The following FAM98B variants were observed in gnomAD, a reference collection of about 807,000 sequenced individuals.
The protein encoded by FAM98B is tRNA-splicing ligase complex subunit FAM98B.
Under a neutral mutation model 43.9 loss-of-function variants are expected in FAM98B, and 32 were observed. That is an observed-to-expected ratio of 0.73 (90% confidence interval 0.55 to 0.98). The LOEUF (loss-of-function observed/expected upper bound fraction) is 0.98, where lower values mean the gene tolerates loss of function less well. FAM98B is among the 50% of genes least tolerant of loss of function. FAM98B has a pLI of 0.00. For missense variants in FAM98B, 514 were observed against 522.9 expected (o/e 0.98, Z 0.17); for synonymous variants, 190 against 174.0 (o/e 1.09, Z -0.72).
chr15:38,470,209 A>G lies in FAM98B; in HGVS notation c.353-18A>G, dbSNP rs542547883. On this transcript the variant is annotated intron_variant, in intron 3 of 7. Transcript: ENST00000397609. ...TCTTATACATGTATTAACATTATTT[A>G]TTTTCTCTTTATTGTAGTATTTTTA... 12 of 1,372,974 alleles carry G rather than the reference A, an allele frequency of 8.7e-6. No individual in the cohort carries two copies. In the South Asian group the frequency reaches 1.5e-4, roughly 17 times the overall value. The allele number at this position is 1,372,974 out of a possible 1,614,324, so 85.0% of individuals were successfully genotyped here.
intron 3 of FAM98B, among the ~76,000 whole-genome samples, chr15:38,468,065 A>C (rs1156258560): frequency 6.6e-6 from 1 of 152,188 alleles, no homozygotes; most frequent in Non-Finnish European, 1.5e-5. Flanking sequence ...AGAAGGCTTA[A>C]TTTTCCCTCT....
intron 6 of FAM98B, among the ~76,000 whole-genome samples, chr15:38,475,748 A>G (rs140056615): frequency 5.9e-5 from 9 of 152,354 alleles, no homozygotes; most frequent in African/African-American, 2.2e-4. Flanking sequence ...GTAAGGTAGC[A>G]TTCACAGGTT....
Position 38,484,546 on chromosome 15 carries a change from G to A in FAM98B, c.1189G>A (p.Gly397Arg). 1 of 1,478,604 alleles carries A rather than the reference G, an allele frequency of 6.8e-7. No homozygotes were observed. Among genetic ancestry groups the A allele is most frequent in the Non-Finnish European group, 8.9e-7 (1 of 1,121,406 alleles). The allele number at this position is 1,478,604 out of a possible 1,614,324, so 91.6% of individuals were successfully genotyped here. A position where few individuals can be genotyped will look rare whatever the true frequency, so the allele number is the denominator to read the frequency against. The change falls in exon 8 of 8, where the codon GGG (glycine) becomes AGG (arginine). Residue 397 changes from glycine (G) to arginine (R), a missense_variant. By Grantham distance (125) the Gly-to-Arg change is moderately radical. Transcript: ENST00000397609. ...FQGRGDYGGR[G>R]GYGGRGGYGG... ...AGGCAGGGGAGATTATGGTGGAAGA[G>A]GGGGTTATGGTGGAAGAGGGGGCTA...
At chr15:38,460,809 T>C (rs535159963) in intron 1 of FAM98B, among the ~76,000 whole-genome samples, 2 of 152,188 alleles carry the variant, frequency 1.3e-5, no homozygotes, top group Non-Finnish European at 2.9e-5. Context: ...GGATGAATTA[T>C]TTACCTTTAT....
At position 38,484,991 on chromosome 15, in the gene FAM98B, A is replaced by G. The variant is rs1413420208; in HGVS notation, c.*332A>G. On this transcript the variant is annotated 3_prime_UTR_variant, in exon 8 of 8. Transcript: ENST00000397609. ...GGAAAGTATTTTATTGTCATGATTG[A>G]ATTTAGATTGTTACCTGTATTTTGT... 4.7e-6 allele frequency: 1 copy of G among 214,134 alleles called. No individual in the cohort carries two copies. The highest frequency in any genetic ancestry group is 9.0e-6 in the Non-Finnish European group (1 of 111,232). 13.3% of individuals were successfully genotyped at this position (214,134 alleles called of 1,614,324 possible).
rs150162428 is a variant in FAM98B at position 38,483,483 on chromosome 15, G to A, written c.898-772G>A. The A allele has an allele frequency of 4.1e-3, 627 of 151,804 alleles. 6 individuals are homozygous for A. Among genetic ancestry groups the A allele is most frequent in the African/African-American group, 0.014 (592 of 41,422 alleles). The allele number at this position is 151,804 out of a possible 1,614,324, so 9.4% of individuals were successfully genotyped here. A position where few individuals can be genotyped will look rare whatever the true frequency, so the allele number is the denominator to read the frequency against. On this transcript the variant is annotated intron_variant, in intron 7 of 7. Transcript: ENST00000397609. ...AGATCAAGACCATCCTGGCTAACAC[G>A]TTGAAACCCTGTCTCCACTAAAAAT...
rs1889873539 is a variant in FAM98B, at chr15:38,457,850, G to A, written c.71+3618G>A. 1.3e-5 allele frequency among the ~76,000 whole-genome samples: 2 copies of A among 152,044 alleles called. 1 individual carries two copies. The highest frequency in any genetic ancestry group is 4.1e-4 in the South Asian group (2 of 4,822). On this transcript the variant is annotated intron_variant, in intron 1 of 7. Coordinates refer to ENST00000397609, the MANE Select transcript of FAM98B (RefSeq NM_173611.4). ...AAGATAATGGGAGAGCAGTGATAATGATGCTATTTTGGTAAGAAAGGAGGC... is the reference window on the plus strand; with the variant it reads ...AAGATAATGGGAGAGCAGTGATAATAATGCTATTTTGGTAAGAAAGGAGGC...
In FAM98B at chr15:38,474,663, A is replaced by G. The variant is rs543074510; in HGVS notation, c.729+365A>G. Among the ~76,000 whole-genome samples, 8 of 152,350 alleles carry G rather than the reference A, an allele frequency of 5.3e-5. No homozygotes were observed. The South Asian group carries it at 1.4e-3, about 28-fold the overall frequency. On this transcript the variant is annotated intron_variant, in intron 6 of 7. Coordinates refer to ENST00000397609, the MANE Select transcript of FAM98B (RefSeq NM_173611.4). Reference sequence around the variant, plus strand: ...ACTGATGCCAACAGGCCTTAAAAGTATCTTAAGGCTGGATGAATATAGAAT... The same window carrying G: ...ACTGATGCCAACAGGCCTTAAAAGTGTCTTAAGGCTGGATGAATATAGAAT...
At chr15:38,473,862 G>T (rs1437244970) in intron 5 of FAM98B, among the ~76,000 whole-genome samples, 4 of 152,160 alleles carry the variant, frequency 2.6e-5, no homozygotes, top group African/African-American at 9.7e-5. Context: ...TGAGTTATTG[G>T]TATTTTCTTT....
intron 1 of FAM98B, chr15:38,458,753 A>G (rs1434662901): frequency 5.8e-6 from 2 of 346,570 alleles, no homozygotes; most frequent in Non-Finnish European, 1.1e-5. Flanking sequence ...AGGGAAGGCT[A>G]AGAGGCCTGC....
chr15:38,478,745 C>T, intron 6 of FAM98B, among the ~76,000 whole-genome samples: 1 of 152,050 alleles, frequency 6.6e-6, no homozygotes, highest in East Asian at 1.9e-4. Flanking sequence ...CAGAGTTGCC[C>T]TTCAAACAGA....
At chr15:38,470,472 A>G in intron 4 of FAM98B, 67 bp downstream of exon 4, 1 of 1,350,420 alleles carries the variant, frequency 7.4e-7, no homozygotes, top group Non-Finnish European at 1.0e-6. Flanking sequence ...TATATTAAAA[A>G]TGAAACTATT....
Position 38,475,732 on chromosome 15 carries a change from G to A in FAM98B, c.729+1434G>A, listed in dbSNP as rs151152045. Among the ~76,000 whole-genome samples, 17 of 152,264 alleles carry A rather than the reference G, an allele frequency of 1.1e-4. No individual in the cohort carries two copies. In the South Asian group the frequency reaches 2.3e-3, roughly 20 times the overall value. On this transcript the variant is annotated intron_variant, in intron 6 of 7. Coordinates refer to ENST00000397609, the MANE Select transcript of FAM98B (RefSeq NM_173611.4). ...CAAGATGTTTAACTTAATCATACCT[G>A]CATCTGTAAGGTAGCATTCACAGGT... is the stretch of plus-strand genomic sequence containing the variant.
Position 38,484,367 on chromosome 15 carries a change from G to T in FAM98B, c.1010G>T (p.Gly337Val). 6.6e-7 allele frequency: 1 copy of T among 1,525,934 alleles called. No homozygotes were observed. The highest frequency in any genetic ancestry group is 8.8e-7 in the Non-Finnish European group (1 of 1,138,216). 94.5% of individuals were successfully genotyped at this position (1,525,934 alleles called of 1,614,324 possible). The change falls in exon 8 of 8, where the codon GGT (glycine) becomes GTT (valine). Residue 337 changes from glycine to valine, a missense_variant. Coordinates refer to ENST00000397609, the MANE Select transcript of FAM98B (RefSeq NM_173611.4). ...KRQEGGGGRGGWGGGGGGGGR... is the reference protein window; with the variant it reads ...KRQEGGGGRGVWGGGGGGGGR... ...CAAGAAGGCGGCGGTGGAAGGGGTG[G>T]TTGGGGTGGTGGTGGTGGAGGTGGT... is the stretch of plus-strand genomic sequence containing the variant.
intron 1 of FAM98B, chr15:38,459,157 C>A: frequency 2.8e-6 from 1 of 360,644 alleles, no homozygotes; most frequent in South Asian, 2.4e-5. Context: ...TGAGTGGTCT[C>A]CTCAATCTCT....
At chr15:38,472,056 C>T (rs950936097) in intron 4 of FAM98B, among the ~76,000 whole-genome samples, 1 of 152,124 alleles carries the variant, frequency 6.6e-6, no homozygotes, top group African/African-American at 2.4e-5. Context: ...AAGCAAATTT[C>T]TAAATGGTGG....
intron 6 of FAM98B, among the ~76,000 whole-genome samples, chr15:38,474,650 A>G (rs1890172069): frequency 6.6e-6 from 1 of 152,254 alleles, no homozygotes; most frequent in African/African-American, 2.4e-5. Context: ...TGATGCCAAC[A>G]GGCCTTAAAA....
At chr15:38,455,541 G>T (rs1475876257) in intron 1 of FAM98B, among the ~76,000 whole-genome samples, 2 of 152,174 alleles carry the variant, frequency 1.3e-5, no homozygotes, top group Non-Finnish European at 2.9e-5. Context: ...TTTGTCAAAC[G>T]AAAGAACAGT....
In FAM98B at chr15:38,486,410, C is replaced by T. The variant is rs1890373386; in HGVS notation, c.*1751C>T. ...AGTTGTTTAAAAATCTTCTTTAAAA[C>T]CTTTACATTTCTGCCTCACTTCTTT... On this transcript the variant is annotated 3_prime_UTR_variant, in exon 8 of 8. Transcript: ENST00000397609. 1 of 152,092 alleles carries T rather than the reference C, an allele frequency of 6.6e-6. No homozygotes were observed. The highest frequency in any genetic ancestry group is 1.5e-5 in the Non-Finnish European group (1 of 67,972). 9.4% of individuals were successfully genotyped at this position (152,092 alleles called of 1,614,324 possible). A position where few individuals can be genotyped will look rare whatever the true frequency, so the allele number is the denominator to read the frequency against.
Sources: gnomAD v4.1 joint callset for allele counts (sites outside exome capture counted in the v4.1 genomes callset) on GRCh38, gnomAD v4.1.1 for gene constraint, MANE v1.5 for transcripts, NCBI Gene and HGNC (gene_info 2026-07-23, HGNC 2026-07-21) for gene names.